Variants in PIK3C2A observed in about 807,000 individuals in gnomAD.
PIK3C2A encodes phosphatidylinositol 4-phosphate 3-kinase C2 domain-containing subunit alpha.
In PIK3C2A, 97 loss-of-function variants were observed where a neutral mutation model predicts 204.5. The observed-to-expected ratio is 0.47, with a 90% CI of 0.40 to 0.56. The LOEUF (loss-of-function observed/expected upper bound fraction) is 0.56, where lower values mean the gene tolerates loss of function less well. PIK3C2A is among the 20% of genes least tolerant of loss of function. The pLI is 0.00. For synonymous variants in PIK3C2A, 653 were observed against 664.4 expected, an observed-to-expected ratio of 0.98 and a Z score of 0.26; for missense variants, 1,735 against 1,969.2, an observed-to-expected ratio of 0.88 and a Z score of 2.25.
At chr11:17,203,366 A>T (rs1398706271) in intron 1 of PIK3C2A, among the ~76,000 whole-genome samples, 1 of 152,082 alleles carries the variant, frequency 6.6e-6, no homozygotes, top group Non-Finnish European at 1.5e-5. Flanking sequence ...AAGAAATAAC[A>T]TACTGTAGAA....
intron 28 of PIK3C2A, among the ~76,000 whole-genome samples, chr11:17,093,686 G>A (rs985060327): frequency 6.6e-6 from 1 of 151,154 alleles, no homozygotes; most frequent in Non-Finnish European, 1.5e-5. Context: ...CACCCAGGCT[G>A]TAATGCAGTG....
chr11:17,182,055 G>A (rs1051080040), intron 1 of PIK3C2A, among the ~76,000 whole-genome samples: 3 of 150,076 alleles, frequency 2.0e-5, no homozygotes, highest in African/African-American at 7.4e-5. Flanking sequence ...CCGTGCCATT[G>A]TACTCCAGGC....
At chr11:17,101,854 T>C (rs543352314) in intron 24 of PIK3C2A, among the ~76,000 whole-genome samples, 1,717 of 151,994 alleles carry the variant, frequency 0.011, 22 homozygotes, top group Admixed American at 0.038. Context: ...CCGCCCGCCT[T>C]GGCCTCCCAA....
Position 17,102,432 on chromosome 11 carries a change from G to A in PIK3C2A, c.3851+230C>T, listed in dbSNP as rs185706510. Among the ~76,000 whole-genome samples the A allele has an allele frequency of 2.5e-3, 375 of 152,252 alleles. 1 individual carries two copies. The highest frequency in any genetic ancestry group is 8.4e-3 in the African/African-American group (347 of 41,546). ...AGCCTGGGCGACACAGCAAGACTCCGTCTCAAAAAAATACCAAAAGAACAA... is the reference window on the plus strand; with the variant it reads ...AGCCTGGGCGACACAGCAAGACTCCATCTCAAAAAAATACCAAAAGAACAA... On this transcript the variant is annotated intron_variant, in intron 24 of 32. Coordinates refer to ENST00000691414, the MANE Select transcript of PIK3C2A (RefSeq NM_002645.4).
intron 2 of PIK3C2A, among the ~76,000 whole-genome samples, chr11:17,165,785 A>G (rs1397119238): frequency 0.018 from 30 of 1,690 alleles, no homozygotes; most frequent in Admixed American, 0.12. Flanking sequence ...AAAAAGTGAA[A>G]AAAAAAAAAA....
intron 1 of PIK3C2A, among the ~76,000 whole-genome samples, chr11:17,192,382 C>T (rs1177298169): frequency 6.6e-6 from 1 of 152,166 alleles, no homozygotes; most frequent in East Asian, 1.9e-4. Flanking sequence ...TTTTATACAA[C>T]TCTTTTAACA....
At position 17,150,496 on chromosome 11, in the gene PIK3C2A, A is replaced by G; in HGVS notation, c.1327+2T>C. 1.3e-6 allele frequency: 2 copies of G among 1,599,468 alleles called. No homozygotes were observed. Among genetic ancestry groups the G allele is most frequent in the Non-Finnish European group, 1.7e-6 (2 of 1,173,810 alleles). ...GAGAGGCTTGAGGAACCATAAACCT[A>G]CCATCACACGTAAAAGTAACTGGTA... On this transcript the variant is annotated splice_donor_variant, in intron 4 of 32. Coordinates refer to ENST00000691414, the MANE Select transcript of PIK3C2A (RefSeq NM_002645.4). LOFTEE classifies it high-confidence loss of function.
intron 2 of PIK3C2A, among the ~76,000 whole-genome samples, chr11:17,163,272 C>T (rs1989405): frequency 0.42 from 64,042 of 152,036 alleles, 13,836 homozygotes; most frequent in Non-Finnish European, 0.47. Context: ...CGCCACTGCA[C>T]TCCAGAGCCT....
At position 17,087,349 on chromosome 11, in the gene PIK3C2A, T is replaced by G. The variant is rs1332616288; in HGVS notation, c.*2389A>C. The G allele has an allele frequency of 6.6e-6, 1 of 152,186 alleles. No individual in the cohort carries two copies. The highest frequency in any genetic ancestry group is 1.5e-5 in the Non-Finnish European group (1 of 68,014). The allele number at this position is 152,186 out of a possible 1,614,324, so 9.4% of individuals were successfully genotyped here. A position where few individuals can be genotyped will look rare whatever the true frequency, so the allele number is the denominator to read the frequency against. Reference sequence around the variant, plus strand: ...CTACTTTTTGGTACGGGCTGAAGATTAGCATTTCATAAAGAAATAAACTAT... The same window carrying G: ...CTACTTTTTGGTACGGGCTGAAGATGAGCATTTCATAAAGAAATAAACTAT... On this transcript the variant is annotated 3_prime_UTR_variant, in exon 33 of 33. Transcript: ENST00000691414.
At chr11:17,120,155 C>T (rs955092184) in intron 15 of PIK3C2A, among the ~76,000 whole-genome samples, 181 bp from the exon 16 acceptor site, 5 of 151,710 alleles carry the variant, frequency 3.3e-5, no homozygotes, top group African/African-American at 4.8e-5. Flanking sequence ...AATGCTAATC[C>T]GGGAACTGAA....
Position 17,091,741 on chromosome 11 carries a change from T to C in PIK3C2A, c.4643-85A>G, listed in dbSNP as rs950843519. 4 of 898,030 alleles carry C rather than the reference T, an allele frequency of 4.5e-6. No individual in the cohort carries two copies. In the Admixed American group the frequency reaches 9.4e-5, roughly 21 times the overall value. The allele number at this position is 898,030 out of a possible 1,614,324, so 55.6% of individuals were successfully genotyped here. A position where few individuals can be genotyped will look rare whatever the true frequency, so the allele number is the denominator to read the frequency against. ...AAGGATTTTGCTTTATTTTCAAGAC[T>C]GTCACATGTGGTGCGGACAGAAGGG... On this transcript the variant is annotated intron_variant, in intron 30 of 32. Transcript: ENST00000691414.
At chr11:17,103,027 T>C (rs1273441954) in intron 23 of PIK3C2A, among the ~76,000 whole-genome samples, 196 bp from the exon 24 acceptor site, 1 of 151,984 alleles carries the variant, frequency 6.6e-6, no homozygotes, top group Non-Finnish European at 1.5e-5. Context: ...CTAAGGGTGG[T>C]TACTGCCCCT....
At chr11:17,096,800 CT>C (rs1848468107) in intron 27 of PIK3C2A, among the ~76,000 whole-genome samples, 1 of 152,196 alleles carries the variant, frequency 6.6e-6, no homozygotes, top group Admixed American at 6.5e-5. Context: ...ACTTTACATA[CT>C]TCTCTATTGA....
intron 1 of PIK3C2A, among the ~76,000 whole-genome samples, chr11:17,204,597 C>T (rs2137593052): frequency 6.6e-6 from 1 of 152,260 alleles, no homozygotes; most frequent in Non-Finnish European, 1.5e-5. Context: ...TCCTATTTAG[C>T]CTGCCCTTAT....
rs774021976 is a variant in PIK3C2A at position 17,131,907 on chromosome 11, T to C, written c.2231+9A>G. ...ACTGAAAGAATAAAAAGCCAGAAAT[T>C]TCACTTACAGTTCATCCCATTTAAT... On this transcript the variant is annotated intron_variant, in intron 12 of 32. Transcript: ENST00000691414. 3.8e-6 allele frequency: 6 copies of C among 1,598,858 alleles called. No homozygotes were observed. In the Admixed American group the frequency reaches 8.9e-5, roughly 24 times the overall value.
At chr11:17,173,019 A>G (rs939830637) in intron 1 of PIK3C2A, among the ~76,000 whole-genome samples, 5 of 152,220 alleles carry the variant, frequency 3.3e-5, no homozygotes, top group African/African-American at 1.2e-4. Flanking sequence ...CTGCCTTGGA[A>G]AAACTCTACT....
chr11:17,095,621 T>A (rs1464410789), intron 27 of PIK3C2A, among the ~76,000 whole-genome samples: 1 of 150,294 alleles, frequency 6.7e-6, no homozygotes, highest in East Asian at 2.0e-4. Context: ...AAATAAATAA[T>A]AAATAAAATA....
chr11:17,169,893 TTTAAGCC>T, intron 1 of PIK3C2A, 87 bp from the exon 2 acceptor site: 2 of 584,434 alleles, frequency 3.4e-6, no homozygotes, highest in South Asian at 2.4e-5. Flanking sequence ...GACTTTGGAC[TTTAAGCC>T]ACTTAGAAAA....
At chr11:17,135,608 G>T (rs1849843298) in intron 9 of PIK3C2A, among the ~76,000 whole-genome samples, 1 of 151,830 alleles carries the variant, frequency 6.6e-6, no homozygotes, top group African/African-American at 2.4e-5. Context: ...CATCAAATGG[G>T]TAAAATAAAT....
Sources: gnomAD v4.1 joint callset for allele counts (sites outside exome capture counted in the v4.1 genomes callset) on GRCh38, gnomAD v4.1.1 for gene constraint, MANE v1.5 for transcripts, NCBI Gene and HGNC (gene_info 2026-07-23, HGNC 2026-07-21) for gene names.